The following RAB28 variants were observed in gnomAD, a reference collection of about 807,000 sequenced individuals.
RAB28 encodes the protein ras-related protein Rab-28.
In RAB28, 24 loss-of-function variants were observed where a neutral mutation model predicts 31.7. The ratio of observed to expected loss-of-function variants is 0.76; its 90% CI spans 0.55 to 1.06. RAB28 has a LOEUF of 1.06. Ranked by LOEUF, RAB28 falls within the 50% of genes least tolerant of loss-of-function variation. The pLI is 0.00. For synonymous variants in RAB28, 100 were observed against 90.4 expected, an observed-to-expected ratio of 1.11 and a Z score of -0.60; for missense variants, 254 against 258.5, an observed-to-expected ratio of 0.98 and a Z score of 0.12.
intron 3 of RAB28, among the ~76,000 whole-genome samples, chr4:13,468,777 T>G (rs907900334): frequency 1.6e-4 from 23 of 147,360 alleles, no homozygotes; most frequent in Non-Finnish European, 2.7e-4. Flanking sequence ...CCAAAAGCTG[T>G]TTTTTTTTTA....
chr4:13,386,333 T>G (rs967383155), intron 4 of RAB28, among the ~76,000 whole-genome samples: 1 of 151,872 alleles, frequency 6.6e-6, no homozygotes, highest in African/African-American at 2.4e-5. Context: ...ACCTACAGAA[T>G]GGGAGAAAAG....
chr4:13,386,063 C>T (rs928520234), intron 4 of RAB28, among the ~76,000 whole-genome samples: 14 of 152,048 alleles, frequency 9.2e-5, no homozygotes, highest in African/African-American at 3.4e-4. Flanking sequence ...AAACAATCAA[C>T]AGAGTGAAGA....
At chr4:13,450,814 T>C (rs1263538433) in intron 4 of RAB28, among the ~76,000 whole-genome samples, 2 of 151,834 alleles carry the variant, frequency 1.3e-5, no homozygotes, top group Non-Finnish European at 3.0e-5. Context: ...GGGAAAATCA[T>C]TTCAAGCATA....
At chr4:13,374,075 T>C (rs1217857490) in intron 6 of RAB28, among the ~76,000 whole-genome samples, 3 of 152,094 alleles carry the variant, frequency 2.0e-5, no homozygotes, top group Non-Finnish European at 2.9e-5. Flanking sequence ...AAATCAATAA[T>C]TTAATTGGCA....
intron 4 of RAB28, among the ~76,000 whole-genome samples, chr4:13,440,429 T>C (rs1419241416): frequency 1.3e-5 from 2 of 152,122 alleles, no homozygotes; most frequent in South Asian, 2.1e-4. Context: ...GATTCTACTA[T>C]TATCAAAAAA....
In RAB28 at chr4:13,437,743, G is replaced by C. The variant is rs1271493947; in HGVS notation, c.391+22956C>G. 2.0e-5 allele frequency among the ~76,000 whole-genome samples: 3 copies of C among 152,166 alleles called. No homozygotes were observed. In the East Asian group the frequency reaches 5.8e-4, roughly 29 times the overall value. ...AGAAAAAAGGAAATACTTATACACT[G>C]TTGTGGGAATGGAAATTAGTTCAAC... On this transcript the variant is annotated intron_variant, in intron 4 of 6. Coordinates refer to ENST00000330852, the MANE Select transcript of RAB28 (RefSeq NM_001017979.3).
intron 4 of RAB28, among the ~76,000 whole-genome samples, chr4:13,413,251 G>C (rs1036247264): frequency 5.3e-5 from 8 of 151,972 alleles, no homozygotes; most frequent in Admixed American, 3.3e-4. Context: ...GAATCTTTGG[G>C]ACATACTGAC....
intron 4 of RAB28, among the ~76,000 whole-genome samples, chr4:13,393,063 T>C (rs972078347): frequency 3.9e-5 from 6 of 152,180 alleles, no homozygotes; most frequent in African/African-American, 1.4e-4. Flanking sequence ...CACCAACAAT[T>C]TATGTAGTGC....
rs147733572 is a variant in RAB28, at chr4:13,484,237, G to A, written c.-87C>T. On this transcript the variant is annotated 5_prime_UTR_variant, in exon 1 of 7. Transcript: ENST00000330852. ...GGGGGCGGGGGAGAGGAGGAAGGGA[G>A]GTAGTTGCGGCAGGACCCCCGCCCC... 6.4e-6 allele frequency: 7 copies of A among 1,088,906 alleles called. No homozygotes were observed. In the Admixed American group the frequency reaches 1.2e-4, roughly 19 times the overall value. The allele number at this position is 1,088,906 out of a possible 1,614,324, so 67.5% of individuals were successfully genotyped here.
At chr4:13,415,223 T>G (rs1320350479) in intron 4 of RAB28, among the ~76,000 whole-genome samples, 1 of 152,204 alleles carries the variant, frequency 6.6e-6, no homozygotes, top group Non-Finnish European at 1.5e-5. Flanking sequence ...TAAGTAGTAT[T>G]GAGAGTTGAC....
chr4:13,451,891 T>G (rs1273237991), intron 4 of RAB28, among the ~76,000 whole-genome samples: 1 of 152,032 alleles, frequency 6.6e-6, no homozygotes, highest in Non-Finnish European at 1.5e-5. Flanking sequence ...AAAAGTTAAT[T>G]CACTGTAAAT....
intron 4 of RAB28, among the ~76,000 whole-genome samples, chr4:13,401,060 T>C (rs1281448077): frequency 6.6e-6 from 1 of 152,190 alleles, no homozygotes; most frequent in Non-Finnish European, 1.5e-5. Flanking sequence ...AATAGATTAT[T>C]ATATCGGTGT....
intron 1 of RAB28, among the ~76,000 whole-genome samples, chr4:13,483,714 G>C (rs920059616): frequency 2.0e-5 from 3 of 152,192 alleles, no homozygotes; most frequent in African/African-American, 7.2e-5. Flanking sequence ...AAACGGTAAA[G>C]GGGGTGGGAG....
At chr4:13,373,685 T>C (rs1728805696) in intron 6 of RAB28, among the ~76,000 whole-genome samples, 3 of 152,150 alleles carry the variant, frequency 2.0e-5, no homozygotes, top group Admixed American at 2.0e-4. Context: ...ATAGGAGCAA[T>C]CTAGGTTAGA....
chr4:13,484,120 G>C lies in RAB28; in HGVS notation c.31C>G (p.Arg11Gly), dbSNP rs759075698. MSDSEEESQD[R>G]QLKIVVLGDG... ...CCCAGCACGACGATTTTCAGTTGCC[G>C]GTCCTGGCTCTCCTCCTCAGAGTCC... The change falls in exon 1 of 7, where the codon CGG becomes GGG. Residue 11 changes from arginine to glycine, a missense_variant. Coordinates refer to ENST00000330852, the MANE Select transcript of RAB28 (RefSeq NM_001017979.3). 1 of 1,599,630 alleles carries C rather than the reference G, an allele frequency of 6.3e-7. No homozygotes were observed. The highest frequency in any genetic ancestry group is 8.5e-7 in the Non-Finnish European group (1 of 1,173,338).
At chr4:13,391,515 G>A (rs1299122413) in intron 4 of RAB28, among the ~76,000 whole-genome samples, 2 of 152,148 alleles carry the variant, frequency 1.3e-5, no homozygotes, top group Non-Finnish European at 2.9e-5. Flanking sequence ...CAAGGATCTA[G>A]AACTAGAAAT....
At chr4:13,436,651 T>G (rs559920698) in intron 4 of RAB28, among the ~76,000 whole-genome samples, 29 of 152,156 alleles carry the variant, frequency 1.9e-4, no homozygotes, top group Non-Finnish European at 3.4e-4. Context: ...TGTGACAAAG[T>G]AGGTGAAAGA....
At chr4:13,378,472 CTTTAAA>C (rs377093371) in intron 5 of RAB28, among the ~76,000 whole-genome samples, 64 of 152,164 alleles carry the variant, frequency 4.2e-4, no homozygotes, top group Non-Finnish European at 7.8e-4. Flanking sequence ...AGAGACAATT[CTTTAAA>C]ACATCCACTG....
At chr4:13,383,389 A>C (rs2108883901) in intron 4 of RAB28, among the ~76,000 whole-genome samples, 1 of 152,082 alleles carries the variant, frequency 6.6e-6, no homozygotes, top group East Asian at 1.9e-4. Context: ...CTTCCTTCCA[A>C]ATCTCCATCT....
Sources: allele counts gnomAD v4.1 joint callset (sites outside exome capture counted in the v4.1 genomes callset), GRCh38; gene constraint gnomAD v4.1.1; transcripts MANE v1.5; gene names NCBI Gene and HGNC (gene_info 2026-07-23, HGNC 2026-07-21).